CHST5: variants seen among roughly 807,000 people sequenced by gnomAD.
CHST5 encodes GST4-alpha.
For missense variants in CHST5, 637 were observed against 602.1 expected (o/e 1.06, Z -0.61); for synonymous variants, 313 against 279.2 (o/e 1.12, Z -1.21).
chr16:75,531,086 G>T lies in CHST5; in HGVS notation c.-702C>A. The T allele has an allele frequency of 1.0e-6, 1 of 980,572 alleles. No homozygotes were observed. Among genetic ancestry groups the T allele is most frequent in the Admixed American group, 6.1e-5 (1 of 16,458 alleles). 60.7% of individuals were successfully genotyped at this position (980,572 alleles called of 1,614,324 possible). On this transcript the variant is annotated 5_prime_UTR_variant, in exon 4 of 4. Transcript: ENST00000336257. ...GCCTGTAATCCCAGCATTATGGGAG[G>T]CCGAGGCGGGCGGATCACGAGGTCA...
In CHST5 at chr16:75,530,503, A is replaced by G; in HGVS notation, c.-119T>C. The G allele has an allele frequency of 6.9e-7, 1 of 1,449,058 alleles. No homozygotes were observed. The highest frequency in any genetic ancestry group is 9.1e-7 in the Non-Finnish European group (1 of 1,099,058). 89.8% of individuals were successfully genotyped at this position (1,449,058 alleles called of 1,614,324 possible). On this transcript the variant is annotated 5_prime_UTR_variant, in exon 4 of 4. Transcript: ENST00000336257. Reference sequence around the variant, plus strand: ...GTCGAGCACTTTCCCAGGAATACGGAGTCAAGACATAGGCCAGAATATAGT... The same window carrying G: ...GTCGAGCACTTTCCCAGGAATACGGGGTCAAGACATAGGCCAGAATATAGT...
rs1047494672 is a variant in CHST5, at chr16:75,535,282, C to T, written c.-1507G>A. 3 of 152,354 alleles carry T rather than the reference C, an allele frequency of 2.0e-5. No individual in the cohort carries two copies. The highest frequency in any genetic ancestry group is 4.8e-5 in the African/African-American group (2 of 41,458). The allele number at this position is 152,354 out of a possible 1,614,324, so 9.4% of individuals were successfully genotyped here. A position where few individuals can be genotyped will look rare whatever the true frequency, so the allele number is the denominator to read the frequency against. On this transcript the variant is annotated 5_prime_UTR_variant, in exon 2 of 4. Coordinates refer to ENST00000336257, the MANE Select transcript of CHST5 (RefSeq NM_024533.5). ...GGGAGGTTCCGCAGGGGCTGACTTG[C>T]TCCTTAAGGTCCCAAGACTATTAAG...
chr16:75,529,142 A>T lies in CHST5; in HGVS notation c.*7T>A. 2 of 1,561,930 alleles carry T rather than the reference A, an allele frequency of 1.3e-6. No individual in the cohort carries two copies. Among genetic ancestry groups the T allele is most frequent in the Non-Finnish European group, 1.7e-6 (2 of 1,151,912 alleles). The stretch of plus-strand genomic sequence containing the variant: ...CAGTTCGGGGCCTGCTCTAAGGCCC[A>T]GAGTTCTCAGTCAGGCGATGCCCAG... On this transcript the variant is annotated 3_prime_UTR_variant, in exon 4 of 4. Coordinates refer to ENST00000336257, the MANE Select transcript of CHST5 (RefSeq NM_024533.5).
At position 75,531,635 on chromosome 16, in the gene CHST5, C is replaced by A. The variant is rs746362378; in HGVS notation, c.-1251G>T. 7.7e-7 allele frequency: 1 copy of A among 1,303,416 alleles called. No individual in the cohort carries two copies. The highest frequency in any genetic ancestry group is 5.6e-5 in the East Asian group (1 of 18,014). 80.7% of individuals were successfully genotyped at this position (1,303,416 alleles called of 1,614,324 possible). On this transcript the variant is annotated 5_prime_UTR_variant, in exon 4 of 4. Transcript: ENST00000336257. ...GATCACAAATCCATGGGAGATGTCT[C>A]GACATCTGGCAAAGCAGGAAGGAGA...
rs2080486097 is a variant in CHST5 at position 75,529,035 on chromosome 16, C to G, written c.*114G>C. ...CTACTTCAGGGGAGGACCCCAAACT[C>G]CCGGTTGATAGTAGGGACCTGCTTC... On this transcript the variant is annotated 3_prime_UTR_variant, in exon 4 of 4. Transcript: ENST00000336257. The G allele has an allele frequency of 3.3e-6, 4 of 1,198,274 alleles. No individual in the cohort carries two copies. The highest frequency in any genetic ancestry group is 3.0e-5 in the Admixed American group (1 of 33,830). 74.2% of individuals were successfully genotyped at this position (1,198,274 alleles called of 1,614,324 possible).
Position 75,529,455 on chromosome 16 carries a change from G to A in CHST5, c.930C>T (p.Tyr310=), listed in dbSNP as rs146332168. The part of the protein sequence containing the change: ...REPLAEIRAL[Y]AFTGLTLTPQ... ...GCGTGAGGGTCAGGCCGGTGAAGGC[G>A]TAGAGTGCGCGGATCTCTGCCAGCG... The change falls in exon 4 of 4, where the codon TAC becomes TAT. Residue 310 remains tyrosine, a synonymous_variant. Coordinates refer to ENST00000336257, the MANE Select transcript of CHST5 (RefSeq NM_024533.5). 11,637 of 1,612,818 alleles carry A rather than the reference G, an allele frequency of 7.2e-3. 47 individuals carry two copies. The highest frequency in any genetic ancestry group is 8.9e-3 in the Non-Finnish European group (10,498 of 1,179,906).
Position 75,530,616 on chromosome 16 carries a change from C to T in CHST5, c.-232G>A. 1 of 1,408,914 alleles carries T rather than the reference C, an allele frequency of 7.1e-7. No homozygotes were observed. Among genetic ancestry groups the T allele is most frequent in the Non-Finnish European group, 9.3e-7 (1 of 1,079,916 alleles). The allele number at this position is 1,408,914 out of a possible 1,614,324, so 87.3% of individuals were successfully genotyped here. On this transcript the variant is annotated 5_prime_UTR_variant, in exon 4 of 4. Coordinates refer to ENST00000336257, the MANE Select transcript of CHST5 (RefSeq NM_024533.5). ...CCCACCCACCCACCTACTTACATAC[C>T]TACAGGCTATCTATCTGTAGAGAGA...
Position 75,530,281 on chromosome 16 carries a change from A to G in CHST5, c.104T>C (p.Leu35Pro). 6.2e-7 allele frequency: 1 copy of G among 1,612,772 alleles called. No individual in the cohort carries two copies. The highest frequency in any genetic ancestry group is 8.5e-7 in the Non-Finnish European group (1 of 1,179,692). The change falls in exon 4 of 4, where the codon CTC (leucine) becomes CCC (proline). Residue 35 changes from leucine (L) to proline (P), a missense_variant. Leu to Pro is a moderately conservative substitution (Grantham distance 98, BLOSUM62 -3). Transcript: ENST00000336257. Reference sequence around the variant, plus strand: ...GAGGCAGGTGGTCTGTGCCAGGAGGAGCACTGTCACTGTCTTGCTGGAGAA... The same window carrying G: ...GAGGCAGGTGGTCTGTGCCAGGAGGGGCACTGTCACTGTCTTGCTGGAGAA... ...PRFSSKTVTV[L>P]LLAQTTCLLL...
In CHST5 at chr16:75,529,381, C is replaced by A. The variant is rs750743459; in HGVS notation, c.1004G>T (p.Gly335Val). The A allele has an allele frequency of 6.7e-5, 108 of 1,612,954 alleles. No individual in the cohort carries two copies. The highest frequency in any genetic ancestry group is 8.8e-5 in the Non-Finnish European group (104 of 1,179,936). The change falls in exon 4 of 4, where the codon GGC becomes GTC. Residue 335 changes from glycine to valine, a missense_variant. Physicochemically the swap from Gly to Val is moderately radical, Grantham distance 109. Coordinates refer to ENST00000336257, the MANE Select transcript of CHST5 (RefSeq NM_024533.5). ...IHNITHGSGI[G>V]KPIEAFHTSS... is the part of the protein sequence containing the mutation. ...AGTATGGAAGGCCTCGATTGGCTTG[C>A]CGATCCCCGACCCGTGGGTGATGTT...
rs757160541 is a variant in CHST5 at position 75,529,600 on chromosome 16, C to G, written c.785G>C (p.Arg262Pro). The G allele has an allele frequency of 3.7e-6, 6 of 1,610,528 alleles. No homozygotes were observed. The East Asian group carries it at 1.1e-4, about 30-fold the overall frequency. ...GCTGCGGCACACCTCGCGAATCAGG[C>G]GCAGGTGAGGGTCGGCCTCCACCCA... ...GKWVEADPHL[R>P]LIREVCRSHV... Residue 262 changes from arginine to proline, a missense_variant, in exon 4 of 4, where the codon CGC (arginine) becomes CCC (proline). Arg to Pro is a moderately radical substitution (Grantham distance 103). Transcript: ENST00000336257.
At chr16:75,535,802 T>G (rs1426313246) in intron 1 of CHST5, among the ~76,000 whole-genome samples, 1 of 152,164 alleles carries the variant, frequency 6.6e-6, no homozygotes, top group African/African-American at 2.4e-5. Flanking sequence ...GCCGGGGATG[T>G]CAAAGGACGC....
In CHST5 at chr16:75,531,150, A is replaced by T. The variant is rs1050764061; in HGVS notation, c.-766T>A. Reference sequence around the variant, plus strand: ...ATCCTGGCTAACACAGTGAGACCCCATCTCTACTAAAAATACAAAAAATTA... The same window carrying T: ...ATCCTGGCTAACACAGTGAGACCCCTTCTCTACTAAAAATACAAAAAATTA... On this transcript the variant is annotated 5_prime_UTR_variant, in exon 4 of 4. It removes an upstream start codon present in the reference 5' UTR. Coordinates refer to ENST00000336257, the MANE Select transcript of CHST5 (RefSeq NM_024533.5). 1 of 694,158 alleles carries T rather than the reference A, an allele frequency of 1.4e-6. No homozygotes were observed. The highest frequency in any genetic ancestry group is 2.0e-5 in the African/African-American group (1 of 50,926). The allele number at this position is 694,158 out of a possible 1,614,324, so 43.0% of individuals were successfully genotyped here. A position where few individuals can be genotyped will look rare whatever the true frequency, so the allele number is the denominator to read the frequency against.
In CHST5 at chr16:75,533,201, A is replaced by G; in HGVS notation, c.-1351-18T>C. The G allele has an allele frequency of 4.3e-6, 3 of 702,406 alleles. No individual in the cohort carries two copies. Among genetic ancestry groups the G allele is most frequent in the Non-Finnish European group, 2.6e-6 (1 of 384,836 alleles). 43.5% of individuals were successfully genotyped at this position (702,406 alleles called of 1,614,324 possible). A position where few individuals can be genotyped will look rare whatever the true frequency, so the allele number is the denominator to read the frequency against. The stretch of plus-strand genomic sequence containing the variant: ...GGAGCTTTCTGATAAGGAGACTTAC[A>G]TTCAGCACAGTGGACAATTGGCCAA... On this transcript the variant is annotated intron_variant, in intron 2 of 3. Transcript: ENST00000336257.
rs753590914 is a variant in CHST5, at chr16:75,529,695, C to G, written c.690G>C (p.Leu230=). ...TCGGGCCCGCCGCCTCCCGGGAGCG[C>G]AGCACGGCCCGCGGGTCGCGCACCA... ...VHLVRDPRAV[L]RSREAAGPIL... Residue 230 remains leucine (L), a synonymous_variant, in exon 4 of 4, where the codon CTG becomes CTC. Coordinates refer to ENST00000336257, the MANE Select transcript of CHST5 (RefSeq NM_024533.5). The G allele has an allele frequency of 1.2e-6, 2 of 1,610,836 alleles. No homozygotes were observed. The highest frequency in any genetic ancestry group is 4.5e-5 in the East Asian group (2 of 44,808).
chr16:75,531,977 A>C (rs895854964), intron 3 of CHST5, among the ~76,000 whole-genome samples: 17 of 152,152 alleles, frequency 1.1e-4, no homozygotes, highest in Admixed American at 2.0e-4. Context: ...CAAGTGACTT[A>C]ACTTCTCTGA....
In CHST5 at chr16:75,532,322, A is replaced by T. The variant is rs141737125; in HGVS notation, c.-1256-682T>A. On this transcript the variant is annotated intron_variant, in intron 3 of 3. Transcript: ENST00000336257. ...TTCTCACAGGGTGGAAGGAACACTG[A>T]GCCAGCCTCCCGCATTCCAAGGTCC... is the stretch of plus-strand genomic sequence containing the variant. Among the ~76,000 whole-genome samples, 1,090 of 152,230 alleles carry T rather than the reference A, an allele frequency of 7.2e-3. 10 individuals carry two copies. Among genetic ancestry groups the T allele is most frequent in the Non-Finnish European group, 0.01 (698 of 68,014 alleles).
rs757129474 is a variant in CHST5, at chr16:75,530,294, T to C, written c.91A>G (p.Thr31Ala). The change falls in exon 4 of 4, where the codon ACA becomes GCA. Residue 31 changes from threonine (T) to alanine (A), a missense_variant. Thr to Ala is a moderately conservative substitution (Grantham distance 58). Transcript: ENST00000336257. ...TGTGCCAGGAGGAGCACTGTCACTG[T>C]CTTGCTGGAGAACCGTGGCAGCCAC... is the stretch of plus-strand genomic sequence containing the variant. ...RMWLPRFSSK[T>A]VTVLLLAQTT... 1.2e-5 allele frequency: 19 copies of C among 1,611,696 alleles called. No homozygotes were observed. The African/African-American group carries it at 1.3e-4, about 11-fold the overall frequency.
intron 2 of CHST5, among the ~76,000 whole-genome samples, chr16:75,534,077 G>A (rs561932903): frequency 3.3e-4 from 50 of 151,124 alleles, no homozygotes; most frequent in African/African-American, 1.1e-3. Context: ...GGCCAGGTGC[G>A]GTGACTCATG....
intron 2 of CHST5, among the ~76,000 whole-genome samples, chr16:75,534,707 G>C (rs2080548961): frequency 6.6e-6 from 1 of 152,198 alleles, no homozygotes; most frequent in South Asian, 2.1e-4. Context: ...CTGGGGCCCA[G>C]AGGGCCTTTC....
Sources: allele counts gnomAD v4.1 joint callset (sites outside exome capture counted in the v4.1 genomes callset), GRCh38; gene constraint gnomAD v4.1.1; transcripts MANE v1.5; gene names NCBI Gene and HGNC (gene_info 2026-07-23, HGNC 2026-07-21).